Variants in KPNA4 observed in about 807,000 individuals in gnomAD.
KPNA4 encodes importin subunit alpha-3.
KPNA4 carries 13 observed loss-of-function variants against 71.3 expected under a neutral mutation model. That is an observed-to-expected ratio of 0.18 (90% CI 0.12 to 0.29). KPNA4 has a LOEUF of 0.29. Among genes scored for constraint, KPNA4 ranks in the 10% least tolerant of loss-of-function variants. The pLI, the probability that KPNA4 is intolerant of heterozygous loss-of-function variation, is 1.00. For missense variants in KPNA4, 334 were observed against 603.2 expected, an observed-to-expected ratio of 0.55 and a Z score of 4.67; for synonymous variants, 189 against 195.2, an observed-to-expected ratio of 0.97 and a Z score of 0.26.
At chr3:160,539,065 T>C (rs1721744751) in intron 1 of KPNA4, among the ~76,000 whole-genome samples, 1 of 152,128 alleles carries the variant, frequency 6.6e-6, no homozygotes, top group Non-Finnish European at 1.5e-5. Context: ...TGCTATTTCC[T>C]CAGTTTGGAA....
intron 1 of KPNA4, among the ~76,000 whole-genome samples, chr3:160,551,538 A>G (rs1256437107): frequency 6.6e-6 from 1 of 152,224 alleles, no homozygotes; most frequent in African/African-American, 2.4e-5. Flanking sequence ...GCAAATACAG[A>G]AAAAGCAGAA....
chr3:160,525,410 C>G (rs1462333519), intron 10 of KPNA4, among the ~76,000 whole-genome samples: 2 of 152,146 alleles, frequency 1.3e-5, no homozygotes, highest in Non-Finnish European at 2.9e-5. Context: ...ATTGGCCAAA[C>G]TGTCAAAATG....
intron 1 of KPNA4, among the ~76,000 whole-genome samples, chr3:160,541,466 A>G (rs1721794953): frequency 6.6e-6 from 1 of 152,108 alleles, no homozygotes; most frequent in Non-Finnish European, 1.5e-5. Context: ...AAAAGAAAAT[A>G]AGAATTAAAA....
intron 16 of KPNA4, 149 bp downstream of exon 16, chr3:160,504,809 T>C: frequency 2.8e-6 from 1 of 352,658 alleles, no homozygotes; most frequent in Non-Finnish European, 5.0e-6. Context: ...AATATTTGTT[T>C]TCAAAGCAGG....
At chr3:160,562,702 G>T (rs1440704215) in intron 1 of KPNA4, among the ~76,000 whole-genome samples, 1 of 152,110 alleles carries the variant, frequency 6.6e-6, no homozygotes, top group Non-Finnish European at 1.5e-5. Context: ...ATTTCCTTAG[G>T]TGGAAGTGAA....
At chr3:160,510,065 T>C (rs1721060247) in intron 13 of KPNA4, among the ~76,000 whole-genome samples, 194 bp from the exon 14 acceptor site, 1 of 152,196 alleles carries the variant, frequency 6.6e-6, no homozygotes, top group African/African-American at 2.4e-5. Context: ...GACACCTTTC[T>C]GTGAAATCTC....
At chr3:160,544,614 CTGTT>C (rs1284765176) in intron 1 of KPNA4, among the ~76,000 whole-genome samples, 1 of 152,132 alleles carries the variant, frequency 6.6e-6, no homozygotes, top group African/African-American at 2.4e-5. Context: ...ATTTCACAAA[CTGTT>C]TGAGTGACTT....
intron 12 of KPNA4, 24 bp from the exon 13 acceptor site, chr3:160,514,205 A>G (rs1195536429): frequency 2.6e-6 from 4 of 1,526,362 alleles, no homozygotes; most frequent in East Asian, 2.3e-5. Context: ...GCATTTGAAT[A>G]TTTCTCATTA....
rs147982820 is a variant in KPNA4, at chr3:160,546,722, C to T, written c.70-9882G>A. 5.1e-3 allele frequency among the ~76,000 whole-genome samples: 758 copies of T among 148,330 alleles called. 9 individuals carry two copies. The highest frequency in any genetic ancestry group is 0.018 in the African/African-American group (733 of 40,346). ...TCCGATATCGCTCCCCACCCCTCATCTACTGAATTCTGGTCTGTTTCTGCT... is the reference window on the plus strand; with the variant it reads ...TCCGATATCGCTCCCCACCCCTCATTTACTGAATTCTGGTCTGTTTCTGCT... On this transcript the variant is annotated intron_variant, in intron 1 of 16. Transcript: ENST00000334256.
chr3:160,522,734 A>G (rs1367114296), intron 10 of KPNA4, among the ~76,000 whole-genome samples: 2 of 152,236 alleles, frequency 1.3e-5, no homozygotes, highest in Admixed American at 6.5e-5. Flanking sequence ...CTGGGATTAC[A>G]GGCGTAAGCC....
intron 11 of KPNA4, among the ~76,000 whole-genome samples, chr3:160,517,813 A>G (rs574562997): frequency 4.0e-5 from 6 of 150,830 alleles, no homozygotes; most frequent in African/African-American, 1.2e-4. Context: ...TGAGTTGTCT[A>G]TTTTTGAGTA....
chr3:160,512,731 C>T (rs891854340), intron 13 of KPNA4, among the ~76,000 whole-genome samples: 1 of 152,044 alleles, frequency 6.6e-6, no homozygotes, highest in Non-Finnish European at 1.5e-5. Flanking sequence ...ACTTGGGAGG[C>T]TGAGGCGCAA....
chr3:160,538,110 T>A (rs1013358522), intron 1 of KPNA4, among the ~76,000 whole-genome samples: 37 of 149,038 alleles, frequency 2.5e-4, no homozygotes, highest in Admixed American at 6.7e-4. Context: ...ACACACACAC[T>A]ATATATATAT....
At chr3:160,517,077 C>T (rs1158705763) in intron 11 of KPNA4, among the ~76,000 whole-genome samples, 1 of 152,012 alleles carries the variant, frequency 6.6e-6, no homozygotes. Flanking sequence ...TTCCAGAACA[C>T]TTTGATCACC....
intron 1 of KPNA4, among the ~76,000 whole-genome samples, chr3:160,555,061 A>G (rs1285556296): frequency 1.3e-5 from 2 of 152,122 alleles, no homozygotes; most frequent in African/African-American, 4.8e-5. Flanking sequence ...CATGGGACTG[A>G]GCTCTCAACC....
chr3:160,522,496 C>T (rs1031074469), intron 10 of KPNA4, among the ~76,000 whole-genome samples: 4 of 151,202 alleles, frequency 2.6e-5, no homozygotes, highest in African/African-American at 7.3e-5. Flanking sequence ...CTCGCTCTGT[C>T]GCCCAGGCTG....
At chr3:160,542,607 T>C (rs1228709800) in intron 1 of KPNA4, among the ~76,000 whole-genome samples, 1 of 152,180 alleles carries the variant, frequency 6.6e-6, no homozygotes, top group African/African-American at 2.4e-5. Context: ...AGTTCAAATT[T>C]TCAATCTGTA....
At chr3:160,518,129 G>GTTT (rs747779915) in intron 11 of KPNA4, among the ~76,000 whole-genome samples, 5 of 139,098 alleles carry the variant, frequency 3.6e-5, no homozygotes, top group African/African-American at 5.3e-5. Context: ...TCTATTCTGA[G>GTTT]TTTTTTTTTT....
intron 10 of KPNA4, among the ~76,000 whole-genome samples, chr3:160,523,525 T>C (rs780426549): frequency 6.6e-6 from 1 of 151,782 alleles, no homozygotes; most frequent in African/African-American, 2.4e-5. Flanking sequence ...GCTCTAAGGA[T>C]ATTTCTAATG....
Sources: gnomAD v4.1 joint callset for allele counts (sites outside exome capture counted in the v4.1 genomes callset) on GRCh38, gnomAD v4.1.1 for gene constraint, MANE v1.5 for transcripts, NCBI Gene and HGNC (gene_info 2026-07-23, HGNC 2026-07-21) for gene names.